Variants in PLEKHG3 observed in about 807,000 individuals in gnomAD.
PLEKHG3 encodes pleckstrin homology domain-containing family G member 3.
Under a neutral mutation model 94.9 loss-of-function variants are expected in PLEKHG3, and 62 were observed. The observed-to-expected ratio is 0.65, with a 90% CI of 0.53 to 0.81. The LOEUF (loss-of-function observed/expected upper bound fraction) is 0.81, where lower values mean the gene tolerates loss of function less well. Ranked by LOEUF, PLEKHG3 falls within the 30% of genes least tolerant of loss-of-function variation. The pLI, the probability that PLEKHG3 is intolerant of heterozygous loss-of-function variation, is 0.00. For missense variants in PLEKHG3, 1,461 were observed against 1,619.3 expected, an observed-to-expected ratio of 0.90 and a Z score of 1.68; for synonymous variants, 614 against 654.0, an observed-to-expected ratio of 0.94 and a Z score of 0.93.
chr14:64,709,109 T>C (rs1403738873), intron 1 of PLEKHG3, among the ~76,000 whole-genome samples: 1 of 152,176 alleles, frequency 6.6e-6, no homozygotes, highest in African/African-American at 2.4e-5. Flanking sequence ...AGGTTGGCCA[T>C]GCTAACTGGG....
chr14:64,713,471 T>C (rs771089792), intron 1 of PLEKHG3, among the ~76,000 whole-genome samples: 2 of 152,250 alleles, frequency 1.3e-5, no homozygotes, highest in Non-Finnish European at 2.9e-5. Flanking sequence ...TTTAATCTCT[T>C]GTTTAGACTT....
intron 12 of PLEKHG3, among the ~76,000 whole-genome samples, chr14:64,733,901 C>T (rs2081521959): frequency 6.6e-6 from 1 of 152,216 alleles, no homozygotes; most frequent in Admixed American, 6.5e-5. Context: ...ACAGGTCTGG[C>T]TTAAGCCAGG....
intron 1 of PLEKHG3, among the ~76,000 whole-genome samples, chr14:64,710,891 T>C (rs773473370): frequency 6.6e-6 from 1 of 151,954 alleles, no homozygotes; most frequent in Non-Finnish European, 1.5e-5. Context: ...ATCAGTTTGA[T>C]AATTTATGCT....
In PLEKHG3 at chr14:64,740,968, T is replaced by TC. The variant is rs1369062530; in HGVS notation, c.1519-64dup. ...ATTGGGCCTTGAGCAGGCCATGCTGTCCCCTTGTTCCCCGGATCCCATGAA... is the reference window on the plus strand; with the variant it reads ...ATTGGGCCTTGAGCAGGCCATGCTGTCCCCCTTGTTCCCCGGATCCCATGAA... On this transcript the variant is annotated intron_variant, in intron 15 of 16. Transcript: ENST00000247226. 69 of 1,318,590 alleles carry TC rather than the reference T, an allele frequency of 5.2e-5. 1 individual carries two copies. Among genetic ancestry groups the TC allele is most frequent in the Admixed American group, 1.6e-4 (7 of 43,868 alleles). The allele number at this position is 1,318,590 out of a possible 1,614,324, so 81.7% of individuals were successfully genotyped here.
Position 64,731,331 on chromosome 14 carries a change from A to C in PLEKHG3, c.850-30A>C. ...AGCCTCCTAAGGCCCCAGTGGCCTG[A>C]CTCTAGGGATTGGGGCCCCTCTGCT... On this transcript the variant is annotated intron_variant, in intron 7 of 16. Coordinates refer to ENST00000247226, the MANE Select transcript of PLEKHG3 (RefSeq NM_001308147.2). This position sits in a 1 kb window ranked among gnomAD's most constrained non-coding sequence, Gnocchi z 6.1. 1.3e-6 allele frequency: 2 copies of C among 1,591,300 alleles called. No individual in the cohort carries two copies. Among genetic ancestry groups the C allele is most frequent in the Non-Finnish European group, 1.7e-6 (2 of 1,161,604 alleles).
chr14:64,749,257 G>T lies in PLEKHG3; in HGVS notation c.*5554G>T, dbSNP rs115474163. 2,497 of 1,537,404 alleles carry T rather than the reference G, an allele frequency of 1.6e-3. 33 individuals carry two copies. In the African/African-American group the frequency reaches 0.031, roughly 19 times the overall value. Reference sequence around the variant, plus strand: ...GCGAGAGGAGGCCAAGGCCTGGGCTGCCCGGTCTCTGCGCGTCCCGACTCC... The same window carrying T: ...GCGAGAGGAGGCCAAGGCCTGGGCTTCCCGGTCTCTGCGCGTCCCGACTCC... On this transcript the variant is annotated 3_prime_UTR_variant, in exon 17 of 17. Transcript: ENST00000247226. This position sits in a 1 kb window ranked among gnomAD's most constrained non-coding sequence, Gnocchi z 4.7.
chr14:64,727,346 CACATA>C lies in PLEKHG3; in HGVS notation c.-39-240_-39-236del, dbSNP rs1254295993. ...TTGTTAATTGTGTTAAATGTAAATA[CACATA>C]ACATAAAATTTACCATCTTCACCAT... On this transcript the variant is annotated intron_variant, in intron 1 of 16. Transcript: ENST00000247226. This position sits in a 1 kb window ranked among gnomAD's most constrained non-coding sequence, Gnocchi z 6.0. Among the ~76,000 whole-genome samples the C allele has an allele frequency of 3.3e-5, 5 of 152,304 alleles. No homozygotes were observed. Among genetic ancestry groups the C allele is most frequent in the East Asian group, 1.9e-4 (1 of 5,192 alleles).
At chr14:64,708,178 TG>T (rs1442952468) in intron 1 of PLEKHG3, among the ~76,000 whole-genome samples, 2 of 152,180 alleles carry the variant, frequency 1.3e-5, no homozygotes, top group Non-Finnish European at 2.9e-5. Context: ...GCTGAGGACG[TG>T]GGACTCCCAG....
chr14:64,743,214 T>C lies in PLEKHG3; in HGVS notation c.3171T>C (p.Tyr1057=), dbSNP rs2081753604. Residue 1057 remains tyrosine, a synonymous_variant, in exon 17 of 17, where the codon TAT becomes TAC. Transcript: ENST00000247226. The surrounding 1 kb of genome is among the most constrained non-coding windows in gnomAD (Gnocchi z 7.2). ...ACGTCCGTGAGCTCTGCTCCAAGTA[T>C]GCCTCCCGCGATGAGGCACGCCGAG... The part of the protein sequence containing the change: ...WPDVRELCSK[Y]ASRDEARRAG... 6.2e-7 allele frequency: 1 copy of C among 1,609,346 alleles called. No individual in the cohort carries two copies. The highest frequency in any genetic ancestry group is 8.5e-7 in the Non-Finnish European group (1 of 1,179,704).
In PLEKHG3 at chr14:64,727,678, C is replaced by T. The variant is rs1406443179; in HGVS notation, c.47C>T (p.Pro16Leu). 21 of 1,612,552 alleles carry T rather than the reference C, an allele frequency of 1.3e-5. No individual in the cohort carries two copies. The highest frequency in any genetic ancestry group is 2.2e-5 in the South Asian group (2 of 91,042). Reference protein sequence around the residue: ...SLHQDGSQERPVSLTSTTSSS... With the variant: ...SLHQDGSQERLVSLTSTTSSS... ...CACCAGGATGGCAGCCAGGAGCGGCCGGTGAGCCTGACCTCTACCACCTCC... is the reference window on the plus strand; with the variant it reads ...CACCAGGATGGCAGCCAGGAGCGGCTGGTGAGCCTGACCTCTACCACCTCC... Residue 16 changes from proline to leucine, a missense_variant, in exon 2 of 17, where the codon CCG (proline) becomes CTG (leucine). Transcript: ENST00000247226. This position sits in a 1 kb window ranked among gnomAD's most constrained non-coding sequence, Gnocchi z 6.0.
chr14:64,740,266 T>C (rs923737632), intron 15 of PLEKHG3, among the ~76,000 whole-genome samples: 2 of 144,378 alleles, frequency 1.4e-5, no homozygotes, highest in African/African-American at 5.3e-5. Context: ...GAAGGAATTA[T>C]GTCCGATCTT....
rs2081299044 is a variant in PLEKHG3, at chr14:64,723,425, G to A, written c.-39-4168G>A. ...AGCCTGGGTGACAGAGGGAGACCCT[G>A]CCTCAAAAAAAGAGAAAAGTCTTTG... On this transcript the variant is annotated intron_variant, in intron 1 of 16. Coordinates refer to ENST00000247226, the MANE Select transcript of PLEKHG3 (RefSeq NM_001308147.2). The surrounding 1 kb of genome is among the most constrained non-coding windows in gnomAD (Gnocchi z 4.5). 6.6e-6 allele frequency among the ~76,000 whole-genome samples: 1 copy of A among 152,036 alleles called. No individual in the cohort carries two copies. The highest frequency in any genetic ancestry group is 6.5e-5 in the Admixed American group (1 of 15,270).
In PLEKHG3 at chr14:64,715,842, G is replaced by GC. The variant is rs1239669646; in HGVS notation, c.-40+11144dup. On this transcript the variant is annotated intron_variant, in intron 1 of 16. Transcript: ENST00000247226. The surrounding 1 kb of genome is among the most constrained non-coding windows in gnomAD (Gnocchi z 4.4). ...GGGAAGTTGCATTTCCTGGGCTAGGGCCCCCCAGCAATCAGGAATGAGAGA... is the reference window on the plus strand; with the variant it reads ...GGGAAGTTGCATTTCCTGGGCTAGGGCCCCCCCAGCAATCAGGAATGAGAGA... 1.6e-4 allele frequency: 56 copies of GC among 343,622 alleles called. 1 individual carries two copies. The highest frequency in any genetic ancestry group is 1.0e-3 in the Middle Eastern group (1 of 962). The allele number at this position is 343,622 out of a possible 1,614,324, so 21.3% of individuals were successfully genotyped here. A position where few individuals can be genotyped will look rare whatever the true frequency, so the allele number is the denominator to read the frequency against.
Position 64,741,737 on chromosome 14 carries a change from G to A in PLEKHG3, c.2220G>A (p.Glu740=), listed in dbSNP as rs761752996. 3.7e-6 allele frequency: 6 copies of A among 1,613,044 alleles called. No individual in the cohort carries two copies. In the Admixed American group the frequency reaches 5.0e-5, roughly 13 times the overall value. Residue 740 remains glutamate (E), a synonymous_variant, in exon 16 of 17, where the codon GAG becomes GAA. Coordinates refer to ENST00000247226, the MANE Select transcript of PLEKHG3 (RefSeq NM_001308147.2). ...CAGGCTTCAGCGTCCGTCGCCGGGA[G>A]AGCCTCTCCTACATCCCCAAAGGAC... ...HDAGFSVRRR[E]SLSYIPKGLV...
At chr14:64,736,135 A>C (rs1411278460) in intron 12 of PLEKHG3, among the ~76,000 whole-genome samples, 1 of 152,216 alleles carries the variant, frequency 6.6e-6, no homozygotes, top group Non-Finnish European at 1.5e-5. Flanking sequence ...AAGGATATGG[A>C]TAGGCGAAGG....
chr14:64,738,078 C>A lies in PLEKHG3; in HGVS notation c.1405-664C>A. The A allele has an allele frequency of 2.3e-6, 3 of 1,300,066 alleles. No individual in the cohort carries two copies. Among genetic ancestry groups the A allele is most frequent in the Non-Finnish European group, 3.0e-6 (3 of 995,128 alleles). 80.5% of individuals were successfully genotyped at this position (1,300,066 alleles called of 1,614,324 possible). The stretch of plus-strand genomic sequence containing the variant: ...CAACGAGAAGGGGGCTGGGCCGGAG[C>A]CCCCAGGCTCAGAGGAGGAGGAGGA... On this transcript the variant is annotated intron_variant, in intron 14 of 16. Coordinates refer to ENST00000247226, the MANE Select transcript of PLEKHG3 (RefSeq NM_001308147.2). The surrounding 1 kb of genome is among the most constrained non-coding windows in gnomAD (Gnocchi z 4.8).
chr14:64,729,385 G>A (rs1431814623), intron 3 of PLEKHG3, among the ~76,000 whole-genome samples: 1 of 152,014 alleles, frequency 6.6e-6, no homozygotes. Context: ...CTTCCCTGTG[G>A]AAGAGAACCT....
In PLEKHG3 at chr14:64,743,258, G is replaced by T. The variant is rs200474467; in HGVS notation, c.3215G>T (p.Arg1072Leu). 2 of 1,606,092 alleles carry T rather than the reference G, an allele frequency of 1.2e-6. No individual in the cohort carries two copies. The highest frequency in any genetic ancestry group is 2.2e-5 in the East Asian group (1 of 44,840). ...EARRAGGGRP[R>L]GPPVNRSHSV... ...CGCCGAGCAGGGGGCGGCCGGCCCCGCGGCCCACCCGTCAACAGGAGCCAC... is the reference window on the plus strand; with the variant it reads ...CGCCGAGCAGGGGGCGGCCGGCCCCTCGGCCCACCCGTCAACAGGAGCCAC... Residue 1072 changes from arginine (R) to leucine (L), a missense_variant, in exon 17 of 17, where the codon CGC (arginine) becomes CTC (leucine). Physicochemically the swap from Arg to Leu is moderately radical, Grantham distance 102. This residue lies in a region of PLEKHG3 where 1,201 missense variants were observed against 1,295.5 expected (regional missense o/e 0.93). Coordinates refer to ENST00000247226, the MANE Select transcript of PLEKHG3 (RefSeq NM_001308147.2). This position sits in a 1 kb window ranked among gnomAD's most constrained non-coding sequence, Gnocchi z 7.2.
Position 64,738,675 on chromosome 14 carries a change from T to G in PLEKHG3, c.1405-67T>G. ...CTTGGGGCGTGGGAGGCACTGCCCG[T>G]GTTGGGATGCAGAAGGGATCAGCTT... On this transcript the variant is annotated intron_variant, in intron 14 of 16. Coordinates refer to ENST00000247226, the MANE Select transcript of PLEKHG3 (RefSeq NM_001308147.2). This position sits in a 1 kb window ranked among gnomAD's most constrained non-coding sequence, Gnocchi z 4.8. 9.8e-6 allele frequency: 11 copies of G among 1,123,760 alleles called. No individual in the cohort carries two copies. Among genetic ancestry groups the G allele is most frequent in the Non-Finnish European group, 1.5e-5 (11 of 757,494 alleles). The allele number at this position is 1,123,760 out of a possible 1,614,324, so 69.6% of individuals were successfully genotyped here.
Sources: allele counts gnomAD v4.1 joint callset (sites outside exome capture counted in the v4.1 genomes callset), GRCh38; gene constraint gnomAD v4.1.1; regional missense constraint gnomAD v4.1.1; non-coding constraint Gnocchi (gnomAD v3.1); transcripts MANE v1.5; gene names NCBI Gene and HGNC (gene_info 2026-07-23, HGNC 2026-07-21).